The following TBX5 variants were observed in gnomAD, a reference collection of about 807,000 sequenced individuals.
TBX5 encodes the protein T-box transcription factor TBX5.
TBX5 carries 8 observed loss-of-function variants against 51.1 expected under a neutral mutation model. The observed-to-expected ratio is 0.16, with a 90% CI of 0.09 to 0.28. The LOEUF is 0.28. TBX5 is among the 10% of genes least tolerant of loss of function. TBX5 has a pLI of 1.00. For synonymous variants in TBX5, 302 were observed against 266.4 expected (o/e 1.13, Z -1.30); for missense variants, 589 against 671.7 (o/e 0.88, Z 1.36).
chr12:114,360,416 G>A (rs1869166417), intron 8 of TBX5, among the ~76,000 whole-genome samples: 1 of 150,330 alleles, frequency 6.7e-6, no homozygotes, highest in South Asian at 2.1e-4. Context: ...GAATGAATGA[G>A]TGGGAGGATT....
chr12:114,355,047 C>T lies in TBX5; in HGVS notation c.*485G>A, dbSNP rs1382429638. On this transcript the variant is annotated 3_prime_UTR_variant, in exon 9 of 9. Transcript: ENST00000405440. ...ATTTTGAAATATACTTGCCTCAGAC[C>T]TCCCCCCAAATAAGGGACTGGGTCC... The T allele has an allele frequency of 5.8e-6, 1 of 171,730 alleles. No homozygotes were observed. Among genetic ancestry groups the T allele is most frequent in the Non-Finnish European group, 1.3e-5 (1 of 78,986 alleles). The allele number at this position is 171,730 out of a possible 1,614,324, so 10.6% of individuals were successfully genotyped here.
intron 7 of TBX5, among the ~76,000 whole-genome samples, chr12:114,378,731 G>A (rs1329820346): frequency 1.3e-5 from 2 of 152,072 alleles, no homozygotes; most frequent in Non-Finnish European, 2.9e-5. Context: ...CTACCTCTGG[G>A]GTTCAAGCAA....
In TBX5 at chr12:114,357,910, A is replaced by T. The variant is rs1273371274; in HGVS notation, c.983-1804T>A. Among the ~76,000 whole-genome samples, 7 of 152,342 alleles carry T rather than the reference A, an allele frequency of 4.6e-5. No individual in the cohort carries two copies. The East Asian group carries it at 1.3e-3, about 29-fold the overall frequency. The stretch of plus-strand genomic sequence containing the variant: ...ACTGTGATGGCTCATGGCCATGAAA[A>T]CAGAATGCTGAACTAAATAACGAGA... On this transcript the variant is annotated intron_variant, in intron 8 of 8. Coordinates refer to ENST00000405440, the MANE Select transcript of TBX5 (RefSeq NM_181486.4).
intron 7 of TBX5, among the ~76,000 whole-genome samples, chr12:114,383,009 A>AGACTCCCTTG (rs966013393): frequency 3.3e-5 from 5 of 151,398 alleles, no homozygotes; most frequent in Non-Finnish European, 5.9e-5. Flanking sequence ...CTTTTAGAAA[A>AGACTCCCTTG]GACTCCCTTG....
Position 114,399,600 on chromosome 12 carries a change from G to A in TBX5, c.275C>T (p.Thr92Met). 1.2e-6 allele frequency: 2 copies of A among 1,614,154 alleles called. No individual in the cohort carries two copies. The highest frequency in any genetic ancestry group is 1.7e-6 in the Non-Finnish European group (2 of 1,180,030). The change falls in exon 4 of 9, where the codon ACG becomes ATG. Residue 92 changes from threonine (T) to methionine (M), a missense_variant. Thr to Met is a moderately conservative substitution (Grantham distance 81). Coordinates refer to ENST00000405440, the MANE Select transcript of TBX5 (RefSeq NM_181486.4). ...GTACTTCGTTTTGGGATTAAGGCCC[G>A]TCACCTTCACTTTGTAACTGGGAAA... is the stretch of plus-strand genomic sequence containing the variant. The part of the protein sequence containing the change: ...RMFPSYKVKV[T>M]GLNPKTKYIL...
chr12:114,394,527 A>T lies in TBX5; in HGVS notation c.663+214T>A, dbSNP rs185181720. On this transcript the variant is annotated intron_variant, in intron 6 of 8. Coordinates refer to ENST00000405440, the MANE Select transcript of TBX5 (RefSeq NM_181486.4). ...TTGTTTCTAACTGGTGTGGGTGCAT[A>T]TGTGTGGTGGTGACTGTCAAGCCAA... Among the ~76,000 whole-genome samples, 359 of 152,228 alleles carry T rather than the reference A, an allele frequency of 2.4e-3. 2 individuals are homozygous for T. Among genetic ancestry groups the T allele is most frequent in the African/African-American group, 8.5e-3 (351 of 41,538 alleles).
chr12:114,408,145 C>T (rs1306831855), upstream of TBX5: 31 of 985,302 alleles, frequency 3.1e-5, no homozygotes, highest in Non-Finnish European at 3.7e-5. Context: ...TCACGTTTGG[C>T]TGGGGGGCAG....
chr12:114,364,361 C>T (rs1005376258), intron 8 of TBX5, among the ~76,000 whole-genome samples: 1 of 152,218 alleles, frequency 6.6e-6, no homozygotes, highest in African/African-American at 2.4e-5. Flanking sequence ...ACAGCTACTA[C>T]TTTCTGAGTC....
intron 8 of TBX5, 118 bp from the exon 9 acceptor site, chr12:114,356,224 C>T: frequency 1.0e-6 from 1 of 1,000,732 alleles, no homozygotes; most frequent in East Asian, 2.4e-5. Context: ...TTAGCCCTAA[C>T]CGCCATTCTG....
chr12:114,366,067 A>G, intron 8 of TBX5, 98 bp downstream of exon 8: 1 of 1,252,364 alleles, frequency 8.0e-7, no homozygotes, highest in Non-Finnish European at 1.2e-6. Flanking sequence ...TTAAATAAAT[A>G]AAGTAAATAA....
intron 7 of TBX5, among the ~76,000 whole-genome samples, chr12:114,378,504 C>T (rs1174180892): frequency 1.3e-5 from 2 of 152,242 alleles, no homozygotes; most frequent in Admixed American, 1.3e-4. Context: ...CTGGGCCAGA[C>T]ACTGTGCTGT....
At chr12:114,398,537 G>A (rs775206368) in intron 5 of TBX5, 36 bp downstream of exon 5, 1 of 1,605,396 alleles carries the variant, frequency 6.2e-7, no homozygotes, top group Non-Finnish European at 8.5e-7. Context: ...AGGACAAGAG[G>A]GAGACAAGGC....
intron 5 of TBX5, among the ~76,000 whole-genome samples, chr12:114,397,963 G>A (rs1185795060): frequency 6.6e-6 from 1 of 152,218 alleles, no homozygotes; most frequent in Non-Finnish European, 1.5e-5. Flanking sequence ...GGCTTTCATT[G>A]TGGTCCAGCC....
At chr12:114,385,127 C>A (rs185277381) in intron 7 of TBX5, among the ~76,000 whole-genome samples, 4 of 148,850 alleles carry the variant, frequency 2.7e-5, no homozygotes, top group African/African-American at 9.8e-5. Context: ...AAGCATTCAT[C>A]GGCTGTGACT....
chr12:114,369,176 C>G (rs575192274), intron 7 of TBX5, among the ~76,000 whole-genome samples: 130 of 152,210 alleles, frequency 8.5e-4, no homozygotes, highest in South Asian at 2.7e-3. Context: ...TTAATAGGAA[C>G]AGTTTTTCTT....
intron 8 of TBX5, among the ~76,000 whole-genome samples, chr12:114,356,473 T>A (rs1309025714): frequency 1.3e-5 from 2 of 152,124 alleles, no homozygotes; most frequent in Non-Finnish European, 2.9e-5. Flanking sequence ...TGCACGCCTA[T>A]AGTTCCAGCT....
chr12:114,394,676 T>C, intron 6 of TBX5, 65 bp downstream of exon 6: 1 of 1,609,688 alleles, frequency 6.2e-7, no homozygotes, highest in South Asian at 1.1e-5. Flanking sequence ...CAGGAAAACC[T>C]TGCAGATTCA....
At chr12:114,392,178 TAAAAA>T (rs57938892) in intron 6 of TBX5, among the ~76,000 whole-genome samples, 19,915 of 136,396 alleles carry the variant, frequency 0.15, 1,752 homozygotes, top group Admixed American at 0.25. Context: ...TGGATTGCGC[TAAAAA>T]AAAAAAAAAA....
chr12:114,398,780 CCGAAG>C, intron 4 of TBX5, 60 bp from the exon 5 acceptor site: 1 of 1,557,830 alleles, frequency 6.4e-7, no homozygotes, highest in Admixed American at 1.9e-5. Flanking sequence ...GCGCACTGCA[CCGAAG>C]CGTGCTTCAG....
Sources: allele counts gnomAD v4.1 joint callset (sites outside exome capture counted in the v4.1 genomes callset), GRCh38; gene constraint gnomAD v4.1.1; transcripts MANE v1.5; gene names NCBI Gene and HGNC (gene_info 2026-07-23, HGNC 2026-07-21).